Variants in SHMT1 observed in about 807,000 individuals in gnomAD.
SHMT1 encodes the protein serine hydroxymethyltransferase, cytosolic.
In SHMT1, 45 loss-of-function variants were observed where a neutral mutation model predicts 49.0. The observed-to-expected ratio is 0.92, with a 90% CI of 0.72 to 1.18. The LOEUF is 1.18. Ranked by LOEUF, SHMT1 falls within the 50% of genes most tolerant of loss-of-function variation. SHMT1 has a pLI of 0.00. For synonymous variants in SHMT1, 232 were observed against 246.6 expected (o/e 0.94, Z 0.55); for missense variants, 541 against 612.4 (o/e 0.88, Z 1.23).
rs965296608 is a variant in SHMT1 at position 18,340,941 on chromosome 17, G to A, written c.520-128C>T. On this transcript the variant is annotated intron_variant, in intron 5 of 11. Transcript: ENST00000316694. The surrounding 1 kb of genome is among the most constrained non-coding windows in gnomAD (Gnocchi z 4.5). ...ATGTCCTAGATGAGGACTTGAGGGT[G>A]AGACAGGATGGATACTGGTGTGTTC... 5 of 730,830 alleles carry A rather than the reference G, an allele frequency of 6.8e-6. No individual in the cohort carries two copies. In the Middle Eastern group the frequency reaches 1.4e-3, roughly 208 times the overall value. The allele number at this position is 730,830 out of a possible 1,614,324, so 45.3% of individuals were successfully genotyped here. A position where few individuals can be genotyped will look rare whatever the true frequency, so the allele number is the denominator to read the frequency against.
At chr17:18,348,565 G>A (rs146696923) in intron 3 of SHMT1, 125 bp from the exon 4 acceptor site, 92 of 776,122 alleles carry the variant, frequency 1.2e-4, no homozygotes, top group Non-Finnish European at 1.8e-4. Flanking sequence ...AGAAGAGCTT[G>A]TTAACATGCA....
intron 2 of SHMT1, among the ~76,000 whole-genome samples, chr17:18,355,093 G>C: frequency 7.5e-6 from 1 of 133,824 alleles, no homozygotes; most frequent in Admixed American, 8.0e-5. Context: ...AAAAAGGCCG[G>C]GTGCGGTGGC....
rs1283031108 is a variant in SHMT1 at position 18,335,616 on chromosome 17, TAA to T, written c.872_873del (p.Leu291HisfsTer34). The stretch of plus-strand genomic sequence containing the variant: ...AGGCCAGGGAACACAGCAGAATTGA[TAA>T]GAGACTCCAGGTTGTACAGAATCTC... ...GKEILYNLES[L>X]INSAVFPGLQ... is the part of the protein sequence containing the mutation. On this transcript the variant is annotated frameshift_variant, in exon 8 of 12. Coordinates refer to ENST00000316694, the MANE Select transcript of SHMT1 (RefSeq NM_004169.5). LOFTEE classifies it high-confidence loss of function. The T allele has an allele frequency of 1.2e-6, 2 of 1,614,178 alleles. No homozygotes were observed. The highest frequency in any genetic ancestry group is 1.7e-6 in the Non-Finnish European group (2 of 1,180,038).
At chr17:18,336,864 T>C (rs906187794) in intron 7 of SHMT1, among the ~76,000 whole-genome samples, 3 of 152,040 alleles carry the variant, frequency 2.0e-5, no homozygotes, top group African/African-American at 7.2e-5. Context: ...GAGGATTGCT[T>C]GGGCCCGGGA....
intron 3 of SHMT1, among the ~76,000 whole-genome samples, chr17:18,350,701 A>C (rs1180343104): frequency 7.9e-5 from 12 of 151,992 alleles, no homozygotes; most frequent in Non-Finnish European, 1.3e-4. Flanking sequence ...GGTTTGTATC[A>C]AGCAAAGTCA....
chr17:18,353,906 G>A (rs1229777392), intron 2 of SHMT1, 89 bp from the exon 3 acceptor site: 1 of 1,134,260 alleles, frequency 8.8e-7, no homozygotes, highest in Non-Finnish European at 1.3e-6. Context: ...AAAGAGAAAA[G>A]ACACTCTTTC....
At chr17:18,357,411 A>G (rs1201820773) in intron 1 of SHMT1, among the ~76,000 whole-genome samples, 1 of 152,108 alleles carries the variant, frequency 6.6e-6, no homozygotes, top group Non-Finnish European at 1.5e-5. Flanking sequence ...ACTATTTAGC[A>G]ACTTTTCAAA....
In SHMT1 at chr17:18,340,844, T is replaced by C. The variant is rs370930979; in HGVS notation, c.520-31A>G. Reference sequence around the variant, plus strand: ...GAATGTCAGGGAGGCAGGTTCAGGCTGCTTCCTCCAACCACACCTGCCTCC... The same window carrying C: ...GAATGTCAGGGAGGCAGGTTCAGGCCGCTTCCTCCAACCACACCTGCCTCC... On this transcript the variant is annotated intron_variant, in intron 5 of 11. Coordinates refer to ENST00000316694, the MANE Select transcript of SHMT1 (RefSeq NM_004169.5). The surrounding 1 kb of genome is among the most constrained non-coding windows in gnomAD (Gnocchi z 4.5). The C allele has an allele frequency of 2.9e-3, 4,494 of 1,563,798 alleles. 14 individuals carry two copies. Among genetic ancestry groups the C allele is most frequent in the Non-Finnish European group, 3.7e-3 (4,200 of 1,140,632 alleles).
Position 18,363,353 on chromosome 17 carries a change from A to G in SHMT1, c.-20+19T>C, listed in dbSNP as rs560414764. ...GACCCGAAGCCGCCCACCTACCGGA[A>G]CACGGCCCGCGCACGTACCTAGCGA... On this transcript the variant is annotated intron_variant, in intron 1 of 11. Transcript: ENST00000316694. 1 of 152,550 alleles carries G rather than the reference A, an allele frequency of 6.6e-6. No individual in the cohort carries two copies. The highest frequency in any genetic ancestry group is 1.9e-4 in the East Asian group (1 of 5,192). 9.4% of individuals were successfully genotyped at this position (152,550 alleles called of 1,614,324 possible). A position where few individuals can be genotyped will look rare whatever the true frequency, so the allele number is the denominator to read the frequency against.
At chr17:18,351,069 G>C (rs1598054396) in intron 3 of SHMT1, among the ~76,000 whole-genome samples, 1 of 151,954 alleles carries the variant, frequency 6.6e-6, no homozygotes, top group East Asian at 1.9e-4. Flanking sequence ...TTTAAATAAT[G>C]TTCCAAAGGT....
At chr17:18,357,800 CAA>C (rs367574663) in intron 1 of SHMT1, among the ~76,000 whole-genome samples, 14 of 137,718 alleles carry the variant, frequency 1.0e-4, no homozygotes, top group Non-Finnish European at 1.6e-4. Flanking sequence ...GGCATTGCTA[CAA>C]AAAAAAAAGT....
intron 8 of SHMT1, among the ~76,000 whole-genome samples, chr17:18,334,919 T>C (rs1190399541): frequency 6.6e-6 from 1 of 152,156 alleles, no homozygotes; most frequent in Non-Finnish European, 1.5e-5. Flanking sequence ...ATCGCTGCTG[T>C]CCCCAGGTTC....
At chr17:18,330,836 G>A in intron 9 of SHMT1, 165 bp from the exon 10 acceptor site, 1 of 677,754 alleles carries the variant, frequency 1.5e-6, no homozygotes, top group South Asian at 1.5e-5. Flanking sequence ...AGATGCCCGT[G>A]CCTAAGAATG....
intron 2 of SHMT1, among the ~76,000 whole-genome samples, chr17:18,354,375 C>T (rs577339090): frequency 2.0e-5 from 3 of 152,228 alleles, no homozygotes; most frequent in East Asian, 1.9e-4. Flanking sequence ...GCCGAGATCA[C>T]GCCATTGCAC....
intron 1 of SHMT1, among the ~76,000 whole-genome samples, chr17:18,357,877 T>TC (rs1986390466): frequency 6.7e-6 from 1 of 148,956 alleles, no homozygotes; most frequent in Non-Finnish European, 1.5e-5. Flanking sequence ...TTTTTTTTTT[T>TC]TTTTGAGACA....
In SHMT1 at chr17:18,330,681, A is replaced by C. The variant is rs781232214; in HGVS notation, c.1055-10T>G. 3.8e-6 allele frequency: 6 copies of C among 1,587,858 alleles called. No homozygotes were observed. In the African/African-American group the frequency reaches 8.1e-5, roughly 21 times the overall value. On this transcript the variant is annotated splice_polypyrimidine_tract_variant and intron_variant, in intron 9 of 11. Transcript: ENST00000316694. ...TGGTTGTCAGAACCACCTGGAAACA[A>C]AGTTGGACATGTAGAAATGCAGGCG...
At chr17:18,336,831 A>G (rs746129303) in intron 7 of SHMT1, among the ~76,000 whole-genome samples, 3 of 152,174 alleles carry the variant, frequency 2.0e-5, no homozygotes, top group Non-Finnish European at 2.9e-5. Flanking sequence ...CTGTGGTCCC[A>G]GCTACGTGGG....
At position 18,328,795 on chromosome 17, in the gene SHMT1, C is replaced by G. The variant is rs1326133215; in HGVS notation, c.1407G>C (p.Glu469Asp). 1.2e-6 allele frequency: 2 copies of G among 1,605,050 alleles called. No homozygotes were observed. Among genetic ancestry groups the G allele is most frequent in the African/African-American group, 1.3e-5 (1 of 74,764 alleles). ...AAVQALREEVESFASLFPLPG... is the reference protein window; with the variant it reads ...AAVQALREEVDSFASLFPLPG... Reference sequence around the variant, plus strand: ...GCAGAGGGAAGAGAGAGGCGAAGCTCTCAACCTCCTCCCGGAGAGCCTGCA... The same window carrying G: ...GCAGAGGGAAGAGAGAGGCGAAGCTGTCAACCTCCTCCCGGAGAGCCTGCA... The change falls in exon 12 of 12, where the codon GAG becomes GAC. Residue 469 changes from glutamate to aspartate, a missense_variant. Transcript: ENST00000316694.
intron 1 of SHMT1, among the ~76,000 whole-genome samples, chr17:18,358,828 G>A (rs1289232995): frequency 1.3e-5 from 2 of 152,152 alleles, no homozygotes; most frequent in African/African-American, 2.4e-5. Context: ...ACCTGAGCCT[G>A]GAAGCTAGAG....
Sources: gnomAD v4.1 joint callset for allele counts (sites outside exome capture counted in the v4.1 genomes callset) on GRCh38, gnomAD v4.1.1 for gene constraint, Gnocchi (gnomAD v3.1) non-coding constraint, MANE v1.5 for transcripts, NCBI Gene and HGNC (gene_info 2026-07-23, HGNC 2026-07-21) for gene names.